Variants in POLR2B observed in about 807,000 individuals in gnomAD.
The protein encoded by POLR2B is DNA-directed RNA polymerase II subunit RPB2.
In POLR2B, 57 loss-of-function variants were observed where a neutral mutation model predicts 144.6. The observed-to-expected ratio is 0.39, with a 90% CI of 0.32 to 0.49. The LOEUF is 0.49. Among genes scored for constraint, POLR2B ranks in the 20% least tolerant of loss-of-function variants. POLR2B has a pLI of 0.83. For missense variants in POLR2B, 595 were observed against 1,467.4 expected, an observed-to-expected ratio of 0.41 and a Z score of 9.71; for synonymous variants, 442 against 469.8, an observed-to-expected ratio of 0.94 and a Z score of 0.77.
At chr4:56,989,945 T>G (rs1479503080) in intron 2 of POLR2B, among the ~76,000 whole-genome samples, 1 of 152,216 alleles carries the variant, frequency 6.6e-6, no homozygotes, top group East Asian at 1.9e-4. Flanking sequence ...ATTGCAGCTC[T>G]CTCAGCCATG....
rs1723621316 is a variant in POLR2B, at chr4:57,023,641, CTTATTT to C, written c.2767-16_2767-11del. 6.2e-7 allele frequency: 1 copy of C among 1,610,108 alleles called. No homozygotes were observed. Among genetic ancestry groups the C allele is most frequent in the Non-Finnish European group, 8.5e-7 (1 of 1,177,456 alleles). ...AAGTAAACCAAATCCACTTAACTAA[CTTATTT>C]TTATATGAATTTAGGTACGCTCTGT... On this transcript the variant is annotated splice_polypyrimidine_tract_variant and intron_variant, in intron 19 of 24. Transcript: ENST00000314595. The surrounding 1 kb of genome is among the most constrained non-coding windows in gnomAD (Gnocchi z 4.3).
chr4:57,008,763 A>G (rs1723102483), intron 10 of POLR2B, among the ~76,000 whole-genome samples: 1 of 152,250 alleles, frequency 6.6e-6, no homozygotes, highest in Non-Finnish European at 1.5e-5. Flanking sequence ...AATCTTGAAG[A>G]GTACTTGGAA....
At chr4:57,021,395 T>C (rs1389937927) in intron 17 of POLR2B, among the ~76,000 whole-genome samples, 1 of 152,042 alleles carries the variant, frequency 6.6e-6, no homozygotes, top group Non-Finnish European at 1.5e-5. Flanking sequence ...ACTGGGAATT[T>C]AGTAGAGGGG....
At chr4:57,024,837 G>T (rs1723664262) in intron 21 of POLR2B, 49 bp from the exon 22 acceptor site, 1 of 901,244 alleles carries the variant, frequency 1.1e-6, no homozygotes, top group South Asian at 1.5e-5. Flanking sequence ...GACTTTTAGG[G>T]GGAGACAGAC....
intron 1 of POLR2B, among the ~76,000 whole-genome samples, chr4:56,981,320 A>T (rs1281525044): frequency 6.7e-6 from 1 of 150,240 alleles, no homozygotes. Flanking sequence ...TAGTCTCTTG[A>T]TGGATATTCG....
chr4:56,994,581 A>G, intron 4 of POLR2B, 65 bp downstream of exon 4: 1 of 1,454,338 alleles, frequency 6.9e-7, no homozygotes, highest in Non-Finnish European at 9.7e-7. Flanking sequence ...TGTAATTTTA[A>G]CCACTTGAGG....
chr4:56,981,172 T>G (rs1722146474), intron 1 of POLR2B, among the ~76,000 whole-genome samples: 1 of 152,144 alleles, frequency 6.6e-6, no homozygotes, highest in South Asian at 2.1e-4. Flanking sequence ...GACAGTAATA[T>G]TCACACTTTT....
In POLR2B at chr4:56,990,831, T is replaced by C; in HGVS notation, c.176T>C (p.Val59Ala). Reference sequence around the variant, plus strand: ...ATTCAGATGTCTGTTCAAAGAATTGTGGAAGACGCTCCTCCTATAGACCTA... The same window carrying C: ...ATTCAGATGTCTGTTCAAAGAATTGCGGAAGACGCTCCTCCTATAGACCTA... ...EFIQMSVQRI[V>A]EDAPPIDLQA... Residue 59 changes from valine to alanine, a missense_variant, in exon 3 of 25, where the codon GTG becomes GCG. Around this residue, in one of 9 missense-constraint regions of POLR2B, gnomAD observed 251 missense variants for 567.3 expected, o/e 0.44. Coordinates refer to ENST00000314595, the MANE Select transcript of POLR2B (RefSeq NM_000938.3). 6.2e-7 allele frequency: 1 copy of C among 1,613,856 alleles called. No individual in the cohort carries two copies. The highest frequency in any genetic ancestry group is 8.5e-7 in the Non-Finnish European group (1 of 1,179,766).
intron 21 of POLR2B, among the ~76,000 whole-genome samples, chr4:57,024,378 A>G (rs1157750403): frequency 6.6e-6 from 1 of 152,218 alleles, no homozygotes; most frequent in East Asian, 1.9e-4. Flanking sequence ...GTAGATGAAC[A>G]GTTAATTTGT....
intron 4 of POLR2B, 51 bp from the exon 5 acceptor site, chr4:56,994,596 G>A (rs926968230): frequency 1.4e-6 from 2 of 1,461,838 alleles, no homozygotes; most frequent in Non-Finnish European, 1.9e-6. Flanking sequence ...TTGAGGATTT[G>A]TTTTAACAGA....
At chr4:57,022,906 T>C (rs553402116) in intron 18 of POLR2B, among the ~76,000 whole-genome samples, 1 of 152,256 alleles carries the variant, frequency 6.6e-6, no homozygotes, top group Non-Finnish European at 1.5e-5. Flanking sequence ...TAAGATTGAG[T>C]TAAGATGAAA....
intron 7 of POLR2B, among the ~76,000 whole-genome samples, chr4:57,000,323 C>T (rs1404383995): frequency 6.6e-6 from 1 of 152,086 alleles, no homozygotes; most frequent in South Asian, 2.1e-4. Flanking sequence ...CCAGCTACTG[C>T]GGAGGCTGAG....
intron 14 of POLR2B, 96 bp from the exon 15 acceptor site, chr4:57,016,947 A>G: frequency 2.7e-6 from 1 of 364,336 alleles, no homozygotes; most frequent in South Asian, 1.2e-4. Context: ...ATAATATTAA[A>G]CTTATTTAAA....
intron 2 of POLR2B, among the ~76,000 whole-genome samples, chr4:56,989,945 T>C (rs1479503080): frequency 6.6e-6 from 1 of 152,216 alleles, no homozygotes; most frequent in African/African-American, 2.4e-5. Flanking sequence ...ATTGCAGCTC[T>C]CTCAGCCATG....
chr4:56,996,234 G>A (rs1424037060), intron 6 of POLR2B, among the ~76,000 whole-genome samples: 1 of 140,740 alleles, frequency 7.1e-6, no homozygotes, highest in African/African-American at 2.7e-5. Flanking sequence ...GTGTGTGTGT[G>A]TGTGTATGTA....
rs533444252 is a variant in POLR2B, at chr4:56,988,706, A to T, written c.93-2042A>T. 2.0e-5 allele frequency among the ~76,000 whole-genome samples: 3 copies of T among 152,304 alleles called. No homozygotes were observed. In the East Asian group the frequency reaches 5.8e-4, roughly 29 times the overall value. On this transcript the variant is annotated intron_variant, in intron 2 of 24. Transcript: ENST00000314595. ...TTTTGTAAACACAAAAAATAAAACAAATTGGCTGTAGAAGACTAAACTTTA... is the reference window on the plus strand; with the variant it reads ...TTTTGTAAACACAAAAAATAAAACATATTGGCTGTAGAAGACTAAACTTTA...
intron 10 of POLR2B, chr4:57,009,890 G>A (rs1332112966): frequency 6.6e-6 from 1 of 152,612 alleles, no homozygotes; most frequent in South Asian, 2.1e-4. Flanking sequence ...TATCCTGTAA[G>A]TATTAGTAAT....
chr4:57,025,088 A>G, intron 22 of POLR2B, 89 bp downstream of exon 22: 1 of 715,914 alleles, frequency 1.4e-6, no homozygotes, highest in South Asian at 1.7e-5. Flanking sequence ...CTTTTATTGA[A>G]GTATCATATG....
chr4:57,010,711 TAA>T, intron 11 of POLR2B, 35 bp from the exon 12 acceptor site: 1 of 1,541,894 alleles, frequency 6.5e-7, no homozygotes, highest in Non-Finnish European at 8.7e-7. Flanking sequence ...GATAGGCATG[TAA>T]AATCAGAATG....
Sources: allele counts gnomAD v4.1 joint callset (sites outside exome capture counted in the v4.1 genomes callset), GRCh38; gene constraint gnomAD v4.1.1; regional missense constraint gnomAD v4.1.1; non-coding constraint Gnocchi (gnomAD v3.1); transcripts MANE v1.5; gene names NCBI Gene and HGNC (gene_info 2026-07-23, HGNC 2026-07-21).